Variants in CDKN2B-AS1 observed in about 807,000 individuals in gnomAD.
CDKN2B-AS1 encodes the protein CDKN2B antisense RNA 1 (non-protein coding).
intron 4 of CDKN2B-AS1, among the ~76,000 whole-genome samples, chr9:22,062,944 G>A (rs1288286299): frequency 6.7e-6 from 1 of 148,768 alleles, no homozygotes; most frequent in African/African-American, 2.5e-5. Flanking sequence ...GAGGAGATAA[G>A]AAAAGTGACT....
chr9:22,009,364 C>G (rs900716967), intron 1 of CDKN2B-AS1: 5 of 371,436 alleles, frequency 1.3e-5, no homozygotes, highest in African/African-American at 6.3e-5. Flanking sequence ...GGCGTCTCCC[C>G]ACCCCCTTAG....
chr9:22,034,381 CT>C (rs1822600013), intron 1 of CDKN2B-AS1, among the ~76,000 whole-genome samples: 2 of 152,256 alleles, frequency 1.3e-5, no homozygotes, highest in Non-Finnish European at 2.9e-5. Flanking sequence ...GTGTTCCCCC[CT>C]GACTTTCTGC....
At chr9:22,057,236 C>A (rs940070507) in intron 4 of CDKN2B-AS1, among the ~76,000 whole-genome samples, 2 of 151,980 alleles carry the variant, frequency 1.3e-5, no homozygotes, top group African/African-American at 2.4e-5. Flanking sequence ...GCTATGTATT[C>A]TTCAGTATGT....
chr9:22,044,023 A>G (rs1171865575), intron 1 of CDKN2B-AS1, among the ~76,000 whole-genome samples: 1 of 152,004 alleles, frequency 6.6e-6, no homozygotes, highest in African/African-American at 2.4e-5. Context: ...TATGTCATTT[A>G]ATTTTATTTT....
chr9:22,102,622 A>T (rs1037730362), intron 4 of CDKN2B-AS1, among the ~76,000 whole-genome samples: 7 of 151,920 alleles, frequency 4.6e-5, no homozygotes, highest in Non-Finnish European at 1.0e-4. Flanking sequence ...ATGGCCTTCT[A>T]CTCTGCTCCT....
In CDKN2B-AS1 at chr9:22,040,669, T is replaced by G. The variant is rs368569639; in HGVS notation, n.30-6082T>G. ...AGTTTAGGCAGGAGTAAACAGAAGG[T>G]AAACAGAAGATTGGAGACTGTGTGT... On this transcript the variant is annotated intron_variant and non_coding_transcript_variant, in intron 1 of 4. Coordinates refer to ENST00000650946, the Ensembl canonical transcript of CDKN2B-AS1. 5.3e-5 allele frequency among the ~76,000 whole-genome samples: 8 copies of G among 152,154 alleles called. No individual in the cohort carries two copies. In the South Asian group the frequency reaches 1.7e-3, roughly 32 times the overall value.
chr9:22,049,527 C>G (rs1246946125), intron 3 of CDKN2B-AS1, among the ~76,000 whole-genome samples: 1 of 152,190 alleles, frequency 6.6e-6, no homozygotes, highest in Non-Finnish European at 1.5e-5. Context: ...TACATCTGCT[C>G]TTACACAAGG....
intron 1 of CDKN2B-AS1, among the ~76,000 whole-genome samples, chr9:22,024,447 C>T (rs1050036019): frequency 6.6e-6 from 1 of 152,210 alleles, no homozygotes; most frequent in African/African-American, 2.4e-5. Context: ...TATAGACTGT[C>T]TGTGCTTTTG....
intron 4 of CDKN2B-AS1, among the ~76,000 whole-genome samples, chr9:22,125,587 C>T (rs372329283): frequency 3.3e-5 from 5 of 152,140 alleles, no homozygotes; most frequent in African/African-American, 1.2e-4. Context: ...CACATTTATA[C>T]AGTAGTGAAG....
Position 22,123,823 on chromosome 9 carries a change from G to A in CDKN2B-AS1, n.439-3280G>A, listed in dbSNP as rs566443124. 2.0e-5 allele frequency among the ~76,000 whole-genome samples: 3 copies of A among 152,260 alleles called. No individual in the cohort carries two copies. The South Asian group carries it at 6.2e-4, about 32-fold the overall frequency. On this transcript the variant is annotated intron_variant and non_coding_transcript_variant, in intron 4 of 4. Coordinates refer to ENST00000650946, the Ensembl canonical transcript of CDKN2B-AS1. ...AGGAAGATTTAAAACAAATGGAGAA[G>A]ACATTCTAAAATCAACTACAATGAG...
At chr9:22,106,568 C>G (rs1370842654) in intron 4 of CDKN2B-AS1, among the ~76,000 whole-genome samples, 2 of 152,106 alleles carry the variant, frequency 1.3e-5, no homozygotes, top group Non-Finnish European at 2.9e-5. Flanking sequence ...AATGAAGGTA[C>G]TAGTACTAAT....
At chr9:22,040,680 T>C (rs1182370278) in intron 1 of CDKN2B-AS1, among the ~76,000 whole-genome samples, 2 of 152,052 alleles carry the variant, frequency 1.3e-5, no homozygotes, top group Non-Finnish European at 2.9e-5. Flanking sequence ...AAACAGAAGA[T>C]TGGAGACTGT....
intron 4 of CDKN2B-AS1, among the ~76,000 whole-genome samples, chr9:22,059,536 C>T (rs572687443): frequency 6.6e-6 from 1 of 152,282 alleles, no homozygotes; most frequent in Non-Finnish European, 1.5e-5. Context: ...TCTGCTTTCA[C>T]CGGCTGGTGT....
chr9:22,026,338 G>C (rs1822238556), intron 1 of CDKN2B-AS1, among the ~76,000 whole-genome samples: 1 of 152,192 alleles, frequency 6.6e-6, no homozygotes, highest in African/African-American at 2.4e-5. Context: ...CCGCCTGTAA[G>C]GATGAATGGG....
intron 1 of CDKN2B-AS1, among the ~76,000 whole-genome samples, chr9:22,026,262 A>G (rs1563930454): frequency 6.6e-6 from 1 of 152,120 alleles, no homozygotes; most frequent in Non-Finnish European, 1.5e-5. Flanking sequence ...TGTCCCAGGG[A>G]GTTTTCAGAT....
chr9:22,091,988 A>G (rs1206272038), intron 4 of CDKN2B-AS1, among the ~76,000 whole-genome samples: 2 of 152,092 alleles, frequency 1.3e-5, no homozygotes, highest in Non-Finnish European at 1.5e-5. Context: ...TTATTTTGAG[A>G]TACATCCCAT....
chr9:22,103,193 G>C (rs1316128392), intron 4 of CDKN2B-AS1, among the ~76,000 whole-genome samples: 1 of 148,138 alleles, frequency 6.8e-6, no homozygotes, highest in South Asian at 2.1e-4. Context: ...CGTGAAGAGA[G>C]GGGAGGGGTG....
intron 3 of CDKN2B-AS1, among the ~76,000 whole-genome samples, chr9:22,050,380 T>C (rs1040002104): frequency 7.2e-5 from 11 of 152,230 alleles, no homozygotes; most frequent in East Asian, 3.8e-4. Flanking sequence ...TCCTCTGTAC[T>C]GCTGTGATGA....
Position 22,123,793 on chromosome 9 carries a change from G to C in CDKN2B-AS1, n.439-3310G>C, listed in dbSNP as rs72654302. 3.3e-4 allele frequency among the ~76,000 whole-genome samples: 51 copies of C among 152,272 alleles called. No individual in the cohort carries two copies. In the Middle Eastern group the frequency reaches 0.01, roughly 30 times the overall value. On this transcript the variant is annotated intron_variant and non_coding_transcript_variant, in intron 4 of 4. Transcript: ENST00000650946. Reference sequence around the variant, plus strand: ...GAAATAGGACAAATGGATGCAAATAGAGTGAGGAAGATTTAAAACAAATGG... The same window carrying C: ...GAAATAGGACAAATGGATGCAAATACAGTGAGGAAGATTTAAAACAAATGG...
Sources: allele counts gnomAD v4.1 joint callset (sites outside exome capture counted in the v4.1 genomes callset), GRCh38; gene constraint gnomAD v4.1.1; transcripts MANE v1.5; gene names NCBI Gene and HGNC (gene_info 2026-07-23, HGNC 2026-07-21).